Variants in DZIP1L observed in about 807,000 individuals in gnomAD.
DZIP1L encodes the protein cilium assembly protein DZIP1L.
Under a neutral mutation model 88.7 loss-of-function variants are expected in DZIP1L, and 90 were observed. The observed-to-expected ratio is 1.02, with a 90% CI of 0.86 to 1.21. The LOEUF is 1.21. Ranked by LOEUF, DZIP1L falls within the 50% of genes most tolerant of loss-of-function variation. The pLI, the probability that DZIP1L is intolerant of heterozygous loss-of-function variation, is 0.00. For missense variants in DZIP1L, 932 were observed against 955.8 expected (o/e 0.98, Z 0.33); for synonymous variants, 363 against 372.1 (o/e 0.98, Z 0.28).
intron 1 of DZIP1L, among the ~76,000 whole-genome samples, chr3:138,107,303 A>G (rs2042523387): frequency 6.6e-6 from 1 of 152,154 alleles, no homozygotes; most frequent in African/African-American, 2.4e-5. Context: ...TGGGTTAGTT[A>G]TCACAGGAGT....
At chr3:138,082,574 C>T (rs1943713463) in intron 8 of DZIP1L, among the ~76,000 whole-genome samples, 1 of 152,216 alleles carries the variant, frequency 6.6e-6, no homozygotes, top group Non-Finnish European at 1.5e-5. Flanking sequence ...CTCCCAGACT[C>T]AGCTGCTCCC....
chr3:138,104,685 T>C (rs956813826), intron 1 of DZIP1L, among the ~76,000 whole-genome samples: 1 of 152,214 alleles, frequency 6.6e-6, no homozygotes, highest in African/African-American at 2.4e-5. Flanking sequence ...TGAAATGATG[T>C]CCACCCCTGT....
At position 138,065,360 on chromosome 3, in the gene DZIP1L, C is replaced by A. The variant is rs138761342; in HGVS notation, c.2003-593G>T. 5.3e-3 allele frequency among the ~76,000 whole-genome samples: 801 copies of A among 152,340 alleles called. 7 individuals are homozygous for A. The highest frequency in any genetic ancestry group is 0.017 in the African/African-American group (723 of 41,566). On this transcript the variant is annotated intron_variant, in intron 14 of 15. Transcript: ENST00000327532. ...AGGTCTGAGCAGACTTTTGGAGCTA[C>A]AACAGCCCTTGGCTCATTGATTCAT...
chr3:138,102,253 T>G (rs2042342682), intron 2 of DZIP1L: 1 of 1,433,062 alleles, frequency 7.0e-7, no homozygotes, highest in South Asian at 1.1e-5. Context: ...CTGAGGAAGT[T>G]GATCTCGTCA....
At chr3:138,101,626 C>G in intron 2 of DZIP1L, 1 of 795,830 alleles carries the variant, frequency 1.3e-6, no homozygotes, top group South Asian at 1.3e-5. Flanking sequence ...CAGGCCGTAG[C>G]TGAGGCCAGG....
intron 10 of DZIP1L, among the ~76,000 whole-genome samples, chr3:138,079,597 T>A (rs1943556342): frequency 6.6e-6 from 1 of 152,218 alleles, no homozygotes; most frequent in African/African-American, 2.4e-5. Context: ...TTGCACATAT[T>A]CCCATGTAGC....
intron 2 of DZIP1L, among the ~76,000 whole-genome samples, chr3:138,100,157 A>G (rs1576492407): frequency 6.6e-6 from 1 of 151,934 alleles, no homozygotes; most frequent in Non-Finnish European, 1.5e-5. Context: ...TTTCAGCCCC[A>G]CCCTCCAGCC....
intron 1 of DZIP1L, among the ~76,000 whole-genome samples, chr3:138,106,612 T>C (rs1037724692): frequency 4.0e-5 from 6 of 150,860 alleles, no homozygotes; most frequent in African/African-American, 1.5e-4. Context: ...GGTGGGTGGA[T>C]CACGAGGTCA....
At chr3:138,081,125 T>C (rs1043435810) in intron 9 of DZIP1L, among the ~76,000 whole-genome samples, 1 of 151,886 alleles carries the variant, frequency 6.6e-6, no homozygotes, top group African/African-American at 2.4e-5. Context: ...AAGGCAGAAG[T>C]GTAGCTAAAG....
At chr3:138,101,076 G>A (rs11915226) in intron 2 of DZIP1L, among the ~76,000 whole-genome samples, 2,911 of 152,024 alleles carry the variant, frequency 0.019, 98 homozygotes, top group African/African-American at 0.067. Flanking sequence ...ATATAAATAT[G>A]CACGCACTCA....
chr3:138,076,562 AT>A (rs1943419336), intron 11 of DZIP1L, among the ~76,000 whole-genome samples: 1 of 152,222 alleles, frequency 6.6e-6, no homozygotes, highest in African/African-American at 2.4e-5. Context: ...TATACATACC[AT>A]GGAATACTAC....
At chr3:138,081,496 T>C (rs1221490638) in intron 9 of DZIP1L, among the ~76,000 whole-genome samples, 2 of 152,122 alleles carry the variant, frequency 1.3e-5, no homozygotes, top group African/African-American at 4.8e-5. Flanking sequence ...TCCTCCCCAC[T>C]GCCTCCATCC....
chr3:138,068,443 C>T, intron 12 of DZIP1L, 76 bp from the exon 13 acceptor site: 2 of 1,088,920 alleles, frequency 1.8e-6, no homozygotes, highest in Non-Finnish European at 2.5e-6. Context: ...GAGAAAGTGG[C>T]TCCAACACCC....
At position 138,068,134 on chromosome 3, in the gene DZIP1L, C is replaced by G; in HGVS notation, c.1832+17G>C. On this transcript the variant is annotated intron_variant, in intron 13 of 15. Coordinates refer to ENST00000327532, the MANE Select transcript of DZIP1L (RefSeq NM_173543.3). The stretch of plus-strand genomic sequence containing the variant: ...CACCACTGCAGGTGGGGTGAGAGGG[C>G]AGAGTCTGGGGCTCACCTCATCCCG... The G allele has an allele frequency of 6.8e-7, 1 of 1,468,700 alleles. No homozygotes were observed. The highest frequency in any genetic ancestry group is 9.0e-7 in the Non-Finnish European group (1 of 1,107,188). 91.0% of individuals were successfully genotyped at this position (1,468,700 alleles called of 1,614,324 possible).
intron 6 of DZIP1L, 86 bp from the exon 7 acceptor site, chr3:138,087,109 C>G (rs943502412): frequency 1.6e-6 from 2 of 1,222,714 alleles, no homozygotes; most frequent in Non-Finnish European, 2.4e-6. Context: ...AGTACTGGCT[C>G]ATGGGTAGGC....
chr3:138,081,534 G>A (rs541140803), intron 9 of DZIP1L, among the ~76,000 whole-genome samples, 200 bp downstream of exon 9: 2 of 152,324 alleles, frequency 1.3e-5, no homozygotes, highest in South Asian at 2.1e-4. Flanking sequence ...AGCCAGGCAA[G>A]AAGCCCTGCC....
At chr3:138,084,311 G>A in intron 7 of DZIP1L, 58 bp from the exon 8 acceptor site, 16 of 1,579,116 alleles carry the variant, frequency 1.0e-5, no homozygotes, top group Non-Finnish European at 1.4e-5. Flanking sequence ...TTAGTGCCTG[G>A]TGTCTGCAGG....
At position 138,068,446 on chromosome 3, in the gene DZIP1L, C is replaced by T. The variant is rs1943018510; in HGVS notation, c.1616-79G>A. 6.5e-6 allele frequency: 7 copies of T among 1,081,906 alleles called. No homozygotes were observed. The Admixed American group carries it at 1.8e-4, about 28-fold the overall frequency. The allele number at this position is 1,081,906 out of a possible 1,614,324, so 67.0% of individuals were successfully genotyped here. A position where few individuals can be genotyped will look rare whatever the true frequency, so the allele number is the denominator to read the frequency against. On this transcript the variant is annotated intron_variant, in intron 12 of 15. Transcript: ENST00000327532. ...CCTAAGAGGAGGGAGAAAGTGGCTC[C>T]AACACCCTGGAAATGAACAATTACT...
chr3:138,092,320 GA>G, intron 5 of DZIP1L, 62 bp downstream of exon 5: 1 of 1,454,950 alleles, frequency 6.9e-7, no homozygotes, highest in Non-Finnish European at 9.0e-7. Context: ...TACAAACTAA[GA>G]AATTTTGAGA....
Sources: gnomAD v4.1 joint callset for allele counts (sites outside exome capture counted in the v4.1 genomes callset) on GRCh38, gnomAD v4.1.1 for gene constraint, MANE v1.5 for transcripts, NCBI Gene and HGNC (gene_info 2026-07-23, HGNC 2026-07-21) for gene names.